Variants in KCNQ5 observed in about 807,000 individuals in gnomAD.
KCNQ5 encodes potassium voltage-gated channel subfamily Q member 5, also known as potassium voltage-gated channel subfamily KQT member 5.
KCNQ5 carries 30 observed loss-of-function variants against 98.2 expected under a neutral mutation model. The ratio of observed to expected loss-of-function variants is 0.31; its 90% CI spans 0.23 to 0.41. KCNQ5 has a LOEUF of 0.41. Among genes scored for constraint, KCNQ5 ranks in the 10% least tolerant of loss-of-function variants. KCNQ5 has a pLI of 1.00. For missense variants in KCNQ5, 835 were observed against 1,182.5 expected (o/e 0.71, Z 4.31); for synonymous variants, 458 against 449.4 (o/e 1.02, Z -0.24).
intron 1 of KCNQ5, among the ~76,000 whole-genome samples, chr6:72,928,471 A>G (rs1371347111): frequency 6.6e-6 from 1 of 152,030 alleles, no homozygotes; most frequent in Admixed American, 6.6e-5. Flanking sequence ...CTTAGAGTTA[A>G]ATAATTTTCT....
chr6:72,677,376 A>G (rs1416942788), intron 1 of KCNQ5, among the ~76,000 whole-genome samples: 2 of 152,216 alleles, frequency 1.3e-5, no homozygotes, highest in Non-Finnish European at 2.9e-5. Context: ...CTTATATTAG[A>G]ATGACATAAA....
chr6:72,934,304 T>G (rs575161259), intron 1 of KCNQ5, among the ~76,000 whole-genome samples: 18 of 152,256 alleles, frequency 1.2e-4, no homozygotes, highest in African/African-American at 4.3e-4. Context: ...TGATGACTGA[T>G]GATGACAACA....
chr6:72,918,634 C>G (rs1780266624), intron 1 of KCNQ5, among the ~76,000 whole-genome samples: 1 of 151,954 alleles, frequency 6.6e-6, no homozygotes, highest in Admixed American at 6.6e-5. Context: ...CTGGCCCTAC[C>G]TTCCTTTCCC....
chr6:72,986,757 A>T lies in KCNQ5; in HGVS notation c.399-17151A>T. ...GCCTCTGGGGTGAAAACCTCCCCAG[A>T]CCCCAGACAGGGTGAAGAGGAAACC... is the stretch of plus-strand genomic sequence containing the variant. On this transcript the variant is annotated intron_variant, in intron 1 of 13. Coordinates refer to ENST00000370398, the MANE Select transcript of KCNQ5 (RefSeq NM_019842.4). 2.0e-6 allele frequency: 3 copies of T among 1,479,950 alleles called. No individual in the cohort carries two copies. In the South Asian group the frequency reaches 3.4e-5, roughly 17 times the overall value. 91.7% of individuals were successfully genotyped at this position (1,479,950 alleles called of 1,614,324 possible).
chr6:72,703,146 T>G (rs770289196), intron 1 of KCNQ5, among the ~76,000 whole-genome samples: 15 of 152,234 alleles, frequency 9.9e-5, no homozygotes, highest in Non-Finnish European at 2.1e-4. Context: ...ATACTCCTTG[T>G]GTGCAGAAGT....
At chr6:73,119,981 T>C (rs1775677953) in intron 7 of KCNQ5, among the ~76,000 whole-genome samples, 1 of 151,764 alleles carries the variant, frequency 6.6e-6, no homozygotes, top group Non-Finnish European at 1.5e-5. Flanking sequence ...TTCATACCTG[T>C]AATCCCAGCA....
intron 1 of KCNQ5, among the ~76,000 whole-genome samples, chr6:72,795,626 A>C (rs7454120): frequency 0.027 from 4,179 of 152,276 alleles, 198 homozygotes; most frequent in African/African-American, 0.094. Context: ...ATAGCAGTGC[A>C]AAATACTAGG....
rs541512060 is a variant in KCNQ5 at position 72,840,643 on chromosome 6, A to G, written c.399-163265A>G. Among the ~76,000 whole-genome samples the G allele has an allele frequency of 3.0e-4, 46 of 152,200 alleles. 2 individuals are homozygous for G. The South Asian group carries it at 8.1e-3, about 27-fold the overall frequency. ...CGGCTAGTTGTTTTTCTGTATTTTG[A>G]CCAGTTGTTATTTGCAAGAGGTTCA... On this transcript the variant is annotated intron_variant, in intron 1 of 13. Transcript: ENST00000370398.
intron 1 of KCNQ5, among the ~76,000 whole-genome samples, chr6:72,685,387 C>T (rs146284656): frequency 6.6e-6 from 1 of 152,274 alleles, no homozygotes; most frequent in East Asian, 1.9e-4. Context: ...TGGTTTTGTT[C>T]CTTTTCTTTT....
intron 1 of KCNQ5, among the ~76,000 whole-genome samples, chr6:72,764,335 A>G (rs1772450541): frequency 6.6e-6 from 1 of 152,056 alleles, no homozygotes; most frequent in Admixed American, 6.6e-5. Context: ...ATTGGTGACA[A>G]AAGAATATAA....
chr6:72,983,632 C>G lies in KCNQ5; in HGVS notation c.399-20276C>G, dbSNP rs1186153162. Reference sequence around the variant, plus strand: ...TGGGCTCGAACATCCTCCTTTAGCTCGGAGAATTTTGTTATTACCAACCTT... The same window carrying G: ...TGGGCTCGAACATCCTCCTTTAGCTGGGAGAATTTTGTTATTACCAACCTT... On this transcript the variant is annotated intron_variant, in intron 1 of 13. Coordinates refer to ENST00000370398, the MANE Select transcript of KCNQ5 (RefSeq NM_019842.4). 2.0e-5 allele frequency among the ~76,000 whole-genome samples: 3 copies of G among 152,254 alleles called. No homozygotes were observed. The South Asian group carries it at 6.2e-4, about 32-fold the overall frequency.
chr6:72,672,888 A>AT (rs1168170096), intron 1 of KCNQ5, among the ~76,000 whole-genome samples: 1 of 152,186 alleles, frequency 6.6e-6, no homozygotes, highest in Non-Finnish European at 1.5e-5. Context: ...TTGTGAAAAG[A>AT]TTTGAGTGAT....
At chr6:72,728,478 T>C (rs1770396706) in intron 1 of KCNQ5, among the ~76,000 whole-genome samples, 1 of 152,214 alleles carries the variant, frequency 6.6e-6, no homozygotes, top group Admixed American at 6.5e-5. Flanking sequence ...CCTCTCATTG[T>C]CCACTTTTTG....
At chr6:73,079,039 C>A (rs1479132519) in intron 5 of KCNQ5, among the ~76,000 whole-genome samples, 1 of 152,134 alleles carries the variant, frequency 6.6e-6, no homozygotes, top group East Asian at 1.9e-4. Context: ...TGGTGGCTCA[C>A]GCCTGTAATC....
At chr6:73,037,998 A>T (rs754017964) in intron 2 of KCNQ5, among the ~76,000 whole-genome samples, 2 of 152,114 alleles carry the variant, frequency 1.3e-5, no homozygotes, top group Non-Finnish European at 2.9e-5. Context: ...TCAGTCTTCC[A>T]ATTCATAAAC....
intron 1 of KCNQ5, among the ~76,000 whole-genome samples, chr6:72,657,699 A>G (rs931161848): frequency 2.6e-5 from 4 of 152,254 alleles, no homozygotes; most frequent in Admixed American, 2.0e-4. Flanking sequence ...ATAGAAATCT[A>G]TAGCTTATTT....
chr6:72,987,455 C>T (rs1768840559), intron 1 of KCNQ5: 6 of 677,820 alleles, frequency 8.9e-6, no homozygotes, highest in Admixed American at 1.8e-5. Context: ...GTTTTGACAA[C>T]GAGGAACAGA....
At chr6:72,860,797 G>T (rs1777730528) in intron 1 of KCNQ5, among the ~76,000 whole-genome samples, 1 of 151,372 alleles carries the variant, frequency 6.6e-6, no homozygotes, top group Admixed American at 6.6e-5. Context: ...TTTATTCTTG[G>T]TCTTAATGTA....
At chr6:72,836,861 C>A (rs1776528165) in intron 1 of KCNQ5, among the ~76,000 whole-genome samples, 1 of 152,158 alleles carries the variant, frequency 6.6e-6, no homozygotes, top group Non-Finnish European at 1.5e-5. Context: ...TATTTCCATT[C>A]TCTGTCCCAC....
Sources: allele counts gnomAD v4.1 joint callset (sites outside exome capture counted in the v4.1 genomes callset), GRCh38; gene constraint gnomAD v4.1.1; transcripts MANE v1.5; gene names NCBI Gene and HGNC (gene_info 2026-07-23, HGNC 2026-07-21).